Variants in ZFHX3 observed in about 807,000 individuals in gnomAD.
ZFHX3 encodes the protein zinc finger homeobox 3, also known as zinc finger homeobox protein 3.
A neutral mutation model predicts 279.1 loss-of-function variants in ZFHX3; 42 were observed. The observed-to-expected ratio is 0.15, with a 90% confidence interval of 0.12 to 0.19. The LOEUF is 0.19. Ranked by LOEUF, ZFHX3 falls within the 10% of genes least tolerant of loss-of-function variation. ZFHX3 has a pLI of 1.00. For missense variants in ZFHX3, 4,981 were observed against 4,754.0 expected, an observed-to-expected ratio of 1.05 and a Z score of -1.40; for synonymous variants, 2,293 against 1,957.8, an observed-to-expected ratio of 1.17 and a Z score of -4.52.
At chr16:73,539,714 G>A (rs183824532) in intron 2 of ZFHX3, among the ~76,000 whole-genome samples, 8 of 152,140 alleles carry the variant, frequency 5.3e-5, no homozygotes, top group Admixed American at 2.0e-4. Context: ...CTCTTCCACC[G>A]CCTGCCCGTG....
intron 1 of ZFHX3, among the ~76,000 whole-genome samples, chr16:73,766,352 G>T (rs1483487115): frequency 6.6e-6 from 1 of 152,000 alleles, no homozygotes; most frequent in Non-Finnish European, 1.5e-5. Flanking sequence ...AATGGCCCAG[G>T]TATATCGCCA....
intron 8 of ZFHX3, among the ~76,000 whole-genome samples, chr16:73,070,924 G>GCA (rs1965816645): frequency 3.1e-5 from 1 of 31,896 alleles, no homozygotes; most frequent in African/African-American, 8.4e-5. Context: ...TTGCGCGCGC[G>GCA]CGCGCGCGCG....
chr16:73,801,190 C>T (rs368365480), intron 1 of ZFHX3, among the ~76,000 whole-genome samples: 8 of 152,212 alleles, frequency 5.3e-5, no homozygotes, highest in South Asian at 2.1e-4. Flanking sequence ...TTATTTTCAT[C>T]GGCTGCCTTT....
chr16:73,070,710 GTCTCTCTCTC>G lies in ZFHX3; in HGVS notation c.-532-11708_-532-11699del, dbSNP rs3081669. Among the ~76,000 whole-genome samples, 9 of 148,178 alleles carry G rather than the reference GTCTCTCTCTC, an allele frequency of 6.1e-5. No individual in the cohort carries two copies. The East Asian group carries it at 1.8e-3, about 30-fold the overall frequency. On this transcript the variant is annotated intron_variant, in intron 8 of 17. Transcript: ENST00000641206. ...TCCAGAAGGAAATGCTGACATCATTGTCTCTCTCTCTCTCTCTCTCGCACATGTGAGCCTC... is the reference window on the plus strand; with the variant it reads ...TCCAGAAGGAAATGCTGACATCATTGTCTCTCTCTCGCACATGTGAGCCTC...
chr16:73,027,542 C>T (rs190638119), intron 1 of ZFHX3, among the ~76,000 whole-genome samples: 6 of 152,298 alleles, frequency 3.9e-5, no homozygotes, highest in East Asian at 1.9e-4. Flanking sequence ...AAATACACAA[C>T]GCATGCTCTA....
intron 4 of ZFHX3, among the ~76,000 whole-genome samples, chr16:73,296,647 C>T (rs377705568): frequency 6.6e-6 from 1 of 152,118 alleles, no homozygotes; most frequent in Non-Finnish European, 1.5e-5. Flanking sequence ...ATAGAATTCA[C>T]CCCCTTGATC....
At chr16:73,386,200 G>C (rs2016899408) in intron 3 of ZFHX3, among the ~76,000 whole-genome samples, 1 of 151,196 alleles carries the variant, frequency 6.6e-6, no homozygotes, top group African/African-American at 2.4e-5. Context: ...CACCGTCTCT[G>C]TCTCTCTCTC....
At chr16:73,152,313 G>C (rs1030633439) in intron 5 of ZFHX3, among the ~76,000 whole-genome samples, 2 of 152,138 alleles carry the variant, frequency 1.3e-5, no homozygotes, top group African/African-American at 2.4e-5. Flanking sequence ...GACAGTTGTG[G>C]GGAGTTTTCT....
At chr16:73,022,601 G>A (rs974609040) in intron 1 of ZFHX3, among the ~76,000 whole-genome samples, 5 of 152,140 alleles carry the variant, frequency 3.3e-5, no homozygotes, top group Non-Finnish European at 7.3e-5. Flanking sequence ...AAATCTTGGG[G>A]GGAGGAAGCA....
chr16:73,041,495 A>G (rs1448413723), intron 1 of ZFHX3, among the ~76,000 whole-genome samples: 1 of 151,992 alleles, frequency 6.6e-6, no homozygotes, highest in Non-Finnish European at 1.5e-5. Context: ...TATCTTATGA[A>G]AAACAAACCA....
chr16:73,500,695 A>C (rs1458899177), intron 2 of ZFHX3, among the ~76,000 whole-genome samples: 1 of 86,992 alleles, frequency 1.1e-5, no homozygotes, highest in Non-Finnish European at 2.1e-5. Flanking sequence ...AAAATACAAA[A>C]AAAAAAAAAA....
intron 5 of ZFHX3, among the ~76,000 whole-genome samples, chr16:73,163,654 C>T (rs1402819662): frequency 1.2e-4 from 19 of 152,116 alleles, no homozygotes; most frequent in Admixed American, 8.5e-4. Flanking sequence ...AGTGGACTAA[C>T]AGTTCAGAAG....
intron 5 of ZFHX3, among the ~76,000 whole-genome samples, chr16:73,248,911 T>C (rs2013393741): frequency 6.6e-6 from 1 of 152,160 alleles, no homozygotes; most frequent in South Asian, 2.1e-4. Context: ...AAAAAAACTG[T>C]CCAGTCTGTG....
At chr16:73,466,902 C>T (rs534890901) in intron 2 of ZFHX3, among the ~76,000 whole-genome samples, 1 of 152,184 alleles carries the variant, frequency 6.6e-6, no homozygotes, top group Non-Finnish European at 1.5e-5. Flanking sequence ...ACAGGGAACA[C>T]TAAGAAAGAT....
intron 1 of ZFHX3, among the ~76,000 whole-genome samples, chr16:73,054,320 C>T (rs947694394): frequency 6.6e-6 from 1 of 152,018 alleles, no homozygotes; most frequent in South Asian, 2.1e-4. Flanking sequence ...ACAGGACATT[C>T]GAGGTTCCAG....
At chr16:72,897,374 C>T (rs966872447) in intron 3 of ZFHX3, among the ~76,000 whole-genome samples, 18 of 152,190 alleles carry the variant, frequency 1.2e-4, no homozygotes, top group East Asian at 9.6e-4. Context: ...GAAGACATAG[C>T]GGGTGTTCAT....
intron 3 of ZFHX3, among the ~76,000 whole-genome samples, chr16:73,336,462 C>T (rs1258023332): frequency 1.4e-5 from 2 of 147,330 alleles, no homozygotes; most frequent in Admixed American, 7.0e-5. Context: ...TGTTTGGCTC[C>T]CATTTACAAG....
chr16:73,448,370 C>A (rs111874180), intron 3 of ZFHX3, among the ~76,000 whole-genome samples: 4,011 of 152,052 alleles, frequency 0.026, 178 homozygotes, highest in African/African-American at 0.092. Flanking sequence ...AAGTGGTAAG[C>A]TATTAAAGTA....
At chr16:73,722,871 T>A (rs2053487270) in intron 1 of ZFHX3, among the ~76,000 whole-genome samples, 1 of 152,184 alleles carries the variant, frequency 6.6e-6, no homozygotes, top group African/African-American at 2.4e-5. Context: ...AGAGAGCTAG[T>A]CATTTCCCAT....
Sources: gnomAD v4.1 joint callset for allele counts (sites outside exome capture counted in the v4.1 genomes callset) on GRCh38, gnomAD v4.1.1 for gene constraint, MANE v1.5 for transcripts, NCBI Gene and HGNC (gene_info 2026-07-23, HGNC 2026-07-21) for gene names.